Variants in KIAA1958 observed in about 807,000 individuals in gnomAD.
KIAA1958 encodes uncharacterized protein KIAA1958.
KIAA1958 carries 14 observed loss-of-function variants against 47.2 expected under a neutral mutation model. The observed-to-expected ratio is 0.30, with a 90% confidence interval of 0.20 to 0.46. The LOEUF is 0.46. Ranked by LOEUF, KIAA1958 falls within the 20% of genes least tolerant of loss-of-function variation. The pLI, the probability that KIAA1958 is intolerant of heterozygous loss-of-function variation, is 1.00. For synonymous variants in KIAA1958, 354 were observed against 353.3 expected (o/e 1.00, Z -0.02); for missense variants, 803 against 909.2 (o/e 0.88, Z 1.50).
At chr9:112,636,161 ATATACT>A (rs1347485722) in intron 2 of KIAA1958, among the ~76,000 whole-genome samples, 2 of 148,646 alleles carry the variant, frequency 1.3e-5, no homozygotes, top group East Asian at 1.9e-4. Context: ...ATATTAAATA[ATATACT>A]TATTATTATT....
chr9:112,502,331 CAAAAT>C (rs1438201895), intron 1 of KIAA1958, among the ~76,000 whole-genome samples: 1 of 152,162 alleles, frequency 6.6e-6, no homozygotes, highest in Non-Finnish European at 1.5e-5. Context: ...TCTTCTGAAA[CAAAAT>C]AAATATCCTG....
chr9:112,563,660 A>G (rs1362029773), intron 1 of KIAA1958, among the ~76,000 whole-genome samples: 3 of 151,904 alleles, frequency 2.0e-5, no homozygotes, highest in Non-Finnish European at 4.4e-5. Flanking sequence ...TGTTATTTAC[A>G]TATATTATAG....
rs545979268 is a variant in KIAA1958 at position 112,543,889 on chromosome 9, T to G, written c.-24-30168T>G. ...TGTCCAATTTATATTTGCTGTGCTA[T>G]TGCATCTAGCACAATTTATTGTGTG... On this transcript the variant is annotated intron_variant, in intron 1 of 3. Transcript: ENST00000337530. Among the ~76,000 whole-genome samples the G allele has an allele frequency of 3.9e-4, 60 of 152,332 alleles. No homozygotes were observed. In the South Asian group the frequency reaches 0.012, roughly 31 times the overall value.
intron 1 of KIAA1958, among the ~76,000 whole-genome samples, chr9:112,491,827 C>G (rs1434937391): frequency 1.3e-5 from 2 of 152,062 alleles, no homozygotes; most frequent in Admixed American, 6.5e-5. Context: ...GCATAGGATA[C>G]TTCTTGGTTG....
intron 2 of KIAA1958, among the ~76,000 whole-genome samples, chr9:112,590,833 T>TA (rs891344552): frequency 3.3e-5 from 5 of 152,222 alleles, no homozygotes; most frequent in African/African-American, 1.2e-4. Flanking sequence ...TAATTGTGTA[T>TA]AATGTGATTG....
intron 3 of KIAA1958, among the ~76,000 whole-genome samples, chr9:112,654,030 T>A (rs1024400561): frequency 5.9e-5 from 9 of 151,976 alleles, no homozygotes; most frequent in African/African-American, 1.9e-4. Context: ...ATTCAAGGGG[T>A]GGGAAAATGG....
At chr9:112,571,034 AC>A (rs925257620) in intron 1 of KIAA1958, among the ~76,000 whole-genome samples, 1 of 152,160 alleles carries the variant, frequency 6.6e-6, no homozygotes, top group African/African-American at 2.4e-5. Flanking sequence ...AGAACAATTC[AC>A]CTTCTGTATT....
intron 2 of KIAA1958, among the ~76,000 whole-genome samples, chr9:112,596,683 T>C (rs1488801552): frequency 1.3e-5 from 2 of 152,184 alleles, no homozygotes; most frequent in African/African-American, 2.4e-5. Context: ...GGTTATTACT[T>C]CTTGGGTGGA....
intron 2 of KIAA1958, among the ~76,000 whole-genome samples, chr9:112,638,703 T>C (rs541960292): frequency 4.8e-4 from 73 of 152,272 alleles, no homozygotes; most frequent in Admixed American, 1.1e-3. Flanking sequence ...CATTCTCTCT[T>C]CTCTTTCTGA....
chr9:112,535,885 G>A (rs544356810), intron 1 of KIAA1958, among the ~76,000 whole-genome samples: 45 of 152,232 alleles, frequency 3.0e-4, no homozygotes, highest in African/African-American at 8.9e-4. Flanking sequence ...TGACTTGGTT[G>A]TGATTTTTAC....
At position 112,521,711 on chromosome 9, in the gene KIAA1958, A is replaced by G. The variant is rs541878604; in HGVS notation, c.-25+34593A>G. 2.4e-3 allele frequency among the ~76,000 whole-genome samples: 371 copies of G among 152,232 alleles called. 2 individuals are homozygous for G. Among genetic ancestry groups the G allele is most frequent in the African/African-American group, 8.6e-3 (356 of 41,546 alleles). Reference sequence around the variant, plus strand: ...TGTTCTGCAGGCACTGGAAAAGAATATATATTCTGTATTTGAAAAAATACA... The same window carrying G: ...TGTTCTGCAGGCACTGGAAAAGAATGTATATTCTGTATTTGAAAAAATACA... On this transcript the variant is annotated intron_variant, in intron 1 of 3. Coordinates refer to ENST00000337530, the MANE Select transcript of KIAA1958 (RefSeq NM_133465.4).
At chr9:112,492,753 T>A (rs1833989845) in intron 1 of KIAA1958, among the ~76,000 whole-genome samples, 1 of 152,120 alleles carries the variant, frequency 6.6e-6, no homozygotes, top group African/African-American at 2.4e-5. Context: ...TACAAAATCC[T>A]TTTTTTGTTT....
intron 1 of KIAA1958, among the ~76,000 whole-genome samples, chr9:112,548,757 A>G (rs1262513556): frequency 1.3e-5 from 2 of 152,210 alleles, no homozygotes; most frequent in East Asian, 3.8e-4. Flanking sequence ...AATATTTCTC[A>G]GCATTGCTAT....
intron 2 of KIAA1958, among the ~76,000 whole-genome samples, chr9:112,590,241 T>A (rs1835896626): frequency 6.6e-6 from 1 of 152,224 alleles, no homozygotes; most frequent in Non-Finnish European, 1.5e-5. Context: ...AGGCTACAGT[T>A]TCATTGCTGT....
At chr9:112,537,580 C>A (rs1834877290) in intron 1 of KIAA1958, among the ~76,000 whole-genome samples, 1 of 152,110 alleles carries the variant, frequency 6.6e-6, no homozygotes, top group South Asian at 2.1e-4. Flanking sequence ...AAAATTAAAA[C>A]CTCAGTAGGA....
chr9:112,649,018 C>T (rs1398517897), intron 3 of KIAA1958, among the ~76,000 whole-genome samples: 1 of 151,468 alleles, frequency 6.6e-6, no homozygotes, highest in Non-Finnish European at 1.5e-5. Flanking sequence ...ATAAAAAGGA[C>T]CAAAAATGAA....
At chr9:112,565,750 G>A (rs1835417474) in intron 1 of KIAA1958, among the ~76,000 whole-genome samples, 1 of 152,046 alleles carries the variant, frequency 6.6e-6, no homozygotes, top group South Asian at 2.1e-4. Flanking sequence ...AAAACTACTA[G>A]TCAACATGGT....
intron 2 of KIAA1958, among the ~76,000 whole-genome samples, chr9:112,634,854 T>G (rs1185750894): frequency 6.6e-6 from 1 of 152,204 alleles, no homozygotes; most frequent in African/African-American, 2.4e-5. Flanking sequence ...GATGTCCTAT[T>G]TAGAAGTGTG....
At chr9:112,595,560 G>A (rs967514683) in intron 2 of KIAA1958, among the ~76,000 whole-genome samples, 12 of 151,762 alleles carry the variant, frequency 7.9e-5, no homozygotes, top group African/African-American at 2.9e-4. Flanking sequence ...ACTGGGGTGG[G>A]GTGGGGGTAG....
Sources: allele counts gnomAD v4.1 joint callset (sites outside exome capture counted in the v4.1 genomes callset), GRCh38; gene constraint gnomAD v4.1.1; transcripts MANE v1.5; gene names NCBI Gene and HGNC (gene_info 2026-07-23, HGNC 2026-07-21).